DCDC1: variants seen among roughly 807,000 people sequenced by gnomAD.
DCDC1 encodes doublecortin domain-containing protein 1.
A neutral mutation model predicts 178.3 loss-of-function variants in DCDC1; 200 were observed. The observed-to-expected ratio is 1.12, with a 90% CI of 1.00 to 1.26. The LOEUF (loss-of-function observed/expected upper bound fraction) is 1.26. Ranked by LOEUF, DCDC1 falls within the 50% of genes most tolerant of loss-of-function variation. The probability of loss-of-function intolerance (pLI) is 0.00; values close to 1 mark genes in which losing one functional copy is unlikely to be tolerated. For missense variants in DCDC1, 1,983 were observed against 1,749.2 expected, an observed-to-expected ratio of 1.13 and a Z score of -2.38; for synonymous variants, 690 against 604.8, an observed-to-expected ratio of 1.14 and a Z score of -2.07.
At chr11:31,362,439 T>A (rs1370694253) in intron 1 of DCDC1, among the ~76,000 whole-genome samples, 3 of 152,178 alleles carry the variant, frequency 2.0e-5, no homozygotes, top group Non-Finnish European at 4.4e-5. Flanking sequence ...TCAGACAAGG[T>A]AGTAATTTAT....
At chr11:30,969,076 T>C (rs1364758615) in intron 20 of DCDC1, among the ~76,000 whole-genome samples, 2 of 151,802 alleles carry the variant, frequency 1.3e-5, no homozygotes, top group Non-Finnish European at 2.9e-5. Flanking sequence ...CCAAAGCCAC[T>C]GCAAGATTTA....
chr11:31,244,987 T>C (rs1269261665), intron 8 of DCDC1, among the ~76,000 whole-genome samples: 2 of 151,642 alleles, frequency 1.3e-5, no homozygotes, highest in Non-Finnish European at 3.0e-5. Flanking sequence ...CCAAAACTAG[T>C]AGCTATATTC....
chr11:31,288,024 A>G (rs1486975600), intron 7 of DCDC1, among the ~76,000 whole-genome samples: 1 of 151,916 alleles, frequency 6.6e-6, no homozygotes, highest in East Asian at 1.9e-4. Flanking sequence ...AATAAGTAAG[A>G]TATAATTATT....
At chr11:31,303,866 G>A (rs1425105657) in intron 6 of DCDC1, among the ~76,000 whole-genome samples, 1 of 152,026 alleles carries the variant, frequency 6.6e-6, no homozygotes. Context: ...AACAACTGTC[G>A]AGCAGCATAA....
chr11:31,225,813 A>G (rs1024588659), intron 9 of DCDC1, among the ~76,000 whole-genome samples: 26 of 151,704 alleles, frequency 1.7e-4, no homozygotes, highest in Non-Finnish European at 5.9e-5. Flanking sequence ...GATTTGGCTT[A>G]CAGAAATGTT....
At chr11:31,044,199 C>T (rs1954666625) in intron 20 of DCDC1, among the ~76,000 whole-genome samples, 1 of 152,160 alleles carries the variant, frequency 6.6e-6, no homozygotes, top group South Asian at 2.1e-4. Context: ...CAACAGGGGC[C>T]GGGCACGGTG....
chr11:31,015,038 C>A (rs1952404460), intron 20 of DCDC1, among the ~76,000 whole-genome samples: 1 of 151,972 alleles, frequency 6.6e-6, no homozygotes, highest in Admixed American at 6.6e-5. Context: ...GCTCCGCCTC[C>A]CAGTTTCACG....
intron 11 of DCDC1, among the ~76,000 whole-genome samples, chr11:31,116,321 T>C (rs1959954431): frequency 6.6e-6 from 1 of 152,076 alleles, no homozygotes; most frequent in Non-Finnish European, 1.5e-5. Context: ...TATTATATAG[T>C]TGAGTTTTTA....
intron 22 of DCDC1, among the ~76,000 whole-genome samples, chr11:30,927,014 G>T (rs1316897198): frequency 6.6e-6 from 1 of 151,744 alleles, no homozygotes; most frequent in African/African-American, 2.4e-5. Flanking sequence ...CACTTGCCAG[G>T]ACACCCCACC....
chr11:30,951,689 T>G (rs780127770), intron 21 of DCDC1, among the ~76,000 whole-genome samples: 2 of 152,170 alleles, frequency 1.3e-5, no homozygotes, highest in South Asian at 4.1e-4. Flanking sequence ...TCTTTAAACT[T>G]TGATCATTTT....
intron 20 of DCDC1, among the ~76,000 whole-genome samples, chr11:30,991,868 G>C (rs1289302363): frequency 3.3e-5 from 5 of 151,936 alleles, no homozygotes; most frequent in African/African-American, 2.4e-5. Flanking sequence ...AATATTTTTG[G>C]GAAAAGAATT....
At chr11:31,078,280 T>C (rs1956982137) in intron 17 of DCDC1, among the ~76,000 whole-genome samples, 1 of 152,132 alleles carries the variant, frequency 6.6e-6, no homozygotes, top group Non-Finnish European at 1.5e-5. Flanking sequence ...TAATTAAGTA[T>C]AAAGATTAAG....
chr11:31,049,508 G>C lies in DCDC1; in HGVS notation c.2591+14961C>G, dbSNP rs182640083. Among the ~76,000 whole-genome samples the C allele has an allele frequency of 2.7e-4, 41 of 152,308 alleles. No homozygotes were observed. The East Asian group carries it at 7.5e-3, about 28-fold the overall frequency. On this transcript the variant is annotated intron_variant, in intron 20 of 38. Coordinates refer to ENST00000684477, the MANE Select transcript of DCDC1 (RefSeq NM_001387274.1). ...GGATTCAGGGGATCATGGTGGACGG[G>C]AGGCAAGACTAGATTGCAGCTCTGG... is the stretch of plus-strand genomic sequence containing the variant.
intron 20 of DCDC1, among the ~76,000 whole-genome samples, chr11:30,990,153 C>A (rs1332041579): frequency 2.6e-5 from 4 of 152,008 alleles, no homozygotes. Flanking sequence ...AAAAGCAGCA[C>A]AGAGTTGGGG....
At chr11:31,028,632 T>C (rs867207428) in intron 20 of DCDC1, among the ~76,000 whole-genome samples, 6 of 152,150 alleles carry the variant, frequency 3.9e-5, no homozygotes, top group African/African-American at 1.4e-4. Context: ...ATTTGAAATG[T>C]GGAAACTGCA....
intron 6 of DCDC1, among the ~76,000 whole-genome samples, chr11:31,298,313 T>C (rs1037639514): frequency 2.6e-5 from 4 of 152,166 alleles, no homozygotes; most frequent in African/African-American, 9.7e-5. Flanking sequence ...CCTCTAAATA[T>C]GCTAGCCACA....
In DCDC1 at chr11:31,305,765, A is replaced by G; in HGVS notation, c.604T>C (p.Cys202Arg). The change falls in exon 6 of 39, where the codon TGC (cysteine) becomes CGC (arginine). Residue 202 changes from cysteine to arginine, a missense_variant. Transcript: ENST00000684477. Reference protein sequence around the residue: ...VPTITLLLEECTEKLNLNMAA... With the variant: ...VPTITLLLEERTEKLNLNMAA... The stretch of plus-strand genomic sequence containing the variant: ...ATGTTCAGATTCAGCTTTTCTGTGC[A>G]CTCCTCCAGCAGCTAGAAGAAAGCA... The G allele has an allele frequency of 2.5e-6, 4 of 1,613,310 alleles. No homozygotes were observed. The highest frequency in any genetic ancestry group is 3.4e-6 in the Non-Finnish European group (4 of 1,179,680).
intron 6 of DCDC1, 54 bp from the exon 7 acceptor site, chr11:31,290,906 G>C: frequency 2.0e-6 from 3 of 1,507,944 alleles, no homozygotes; most frequent in Non-Finnish European, 1.8e-6. Context: ...ATTAAAAATG[G>C]ACACATCATA....
At chr11:30,989,511 C>T (rs1408450251) in intron 20 of DCDC1, among the ~76,000 whole-genome samples, 1 of 152,172 alleles carries the variant, frequency 6.6e-6, no homozygotes. Flanking sequence ...TTTATCCTCA[C>T]TCTCTAACAC....
Sources: allele counts gnomAD v4.1 joint callset (sites outside exome capture counted in the v4.1 genomes callset), GRCh38; gene constraint gnomAD v4.1.1; transcripts MANE v1.5; gene names NCBI Gene and HGNC (gene_info 2026-07-23, HGNC 2026-07-21).